The following CEP350 variants were observed in gnomAD, a reference collection of about 807,000 sequenced individuals.
CEP350 encodes centrosome-associated protein 350.
Under a neutral mutation model 331.8 loss-of-function variants are expected in CEP350, and 126 were observed. The ratio of observed to expected loss-of-function variants is 0.38; its 90% CI spans 0.33 to 0.44. CEP350 has a LOEUF of 0.44. CEP350 is among the 20% of genes least tolerant of loss of function. The pLI is 1.00. For synonymous variants in CEP350, 1,200 were observed against 1,259.5 expected, an observed-to-expected ratio of 0.95 and a Z score of 1.00; for missense variants, 3,406 against 3,634.6, an observed-to-expected ratio of 0.94 and a Z score of 1.62.
At chr1:179,991,724 T>TATATAC (rs1653110915) in intron 4 of CEP350, among the ~76,000 whole-genome samples, 2 of 147,604 alleles carry the variant, frequency 1.4e-5, no homozygotes, top group East Asian at 2.0e-4. Flanking sequence ...TATATATATA[T>TATATAC]ACATTTTTTT....
At chr1:179,981,609 T>C (rs1009169233) in intron 1 of CEP350, among the ~76,000 whole-genome samples, 1 of 152,216 alleles carries the variant, frequency 6.6e-6, no homozygotes. Context: ...GTTTAAAATA[T>C]TCACTTACAG....
rs1031803410 is a variant in CEP350 at position 180,048,642 on chromosome 1, G to A, written c.4729G>A (p.Val1577Ile). The change falls in exon 22 of 38, where the codon GTT becomes ATT. Residue 1577 changes from valine (V) to isoleucine (I), a missense_variant. By Grantham distance (29) the Val-to-Ile change is conservative. Coordinates refer to ENST00000367607, the MANE Select transcript of CEP350 (RefSeq NM_014810.5). ...GATAGAGAGTTCCATTGATGAACAGGTTCAGACTGCTGCAGATGATTCTCT... is the reference window on the plus strand; with the variant it reads ...GATAGAGAGTTCCATTGATGAACAGATTCAGACTGCTGCAGATGATTCTCT... ...EKIESSIDEQ[V>I]QTAADDSLRS... 2 of 1,612,336 alleles carry A rather than the reference G, an allele frequency of 1.2e-6. No homozygotes were observed. The highest frequency in any genetic ancestry group is 1.7e-6 in the Non-Finnish European group (2 of 1,178,554).
chr1:179,964,864 G>GT (rs974484551), intron 1 of CEP350, among the ~76,000 whole-genome samples: 3 of 148,912 alleles, frequency 2.0e-5, no homozygotes, highest in Admixed American at 6.7e-5. Flanking sequence ...TTTTTTTGTT[G>GT]TTGTTTGTTT....
intron 7 of CEP350, among the ~76,000 whole-genome samples, chr1:180,004,927 C>CTTTCTTTCTTTCTTTCTT (rs1553254002): frequency 1.7e-4 from 13 of 74,952 alleles, no homozygotes; most frequent in Non-Finnish European, 2.2e-4. Flanking sequence ...TTCTTTCTTT[C>CTTTCTTTCTTTCTTTCTT]TTTCTTTCTT....
chr1:180,012,839 C>T (rs1306764770), intron 9 of CEP350, among the ~76,000 whole-genome samples: 2 of 152,170 alleles, frequency 1.3e-5, no homozygotes, highest in Admixed American at 6.5e-5. Flanking sequence ...TGTGTATTCC[C>T]AGTCTAAAGC....
chr1:180,045,366 T>G (rs1426578052), intron 21 of CEP350, among the ~76,000 whole-genome samples: 1 of 152,018 alleles, frequency 6.6e-6, no homozygotes, highest in East Asian at 1.9e-4. Context: ...ATTGAATAGC[T>G]GTCATTGGTA....
chr1:180,088,398 T>C (rs754948440), intron 32 of CEP350, among the ~76,000 whole-genome samples: 1 of 140,496 alleles, frequency 7.1e-6, no homozygotes, highest in Non-Finnish European at 1.5e-5. Context: ...TTTCAGAAAA[T>C]GTTATTCATG....
chr1:180,080,835 C>G (rs1035818103), intron 30 of CEP350, among the ~76,000 whole-genome samples, 174 bp downstream of exon 30: 1 of 151,990 alleles, frequency 6.6e-6, no homozygotes, highest in Non-Finnish European at 1.5e-5. Context: ...TTGAATATAT[C>G]GAGTTAGGCA....
chr1:179,987,304 C>G lies in CEP350; in HGVS notation c.120+18C>G. The G allele has an allele frequency of 7.0e-7, 1 of 1,434,668 alleles. No homozygotes were observed. The highest frequency in any genetic ancestry group is 2.3e-5 in the East Asian group (1 of 42,908). The allele number at this position is 1,434,668 out of a possible 1,614,324, so 88.9% of individuals were successfully genotyped here. ...AGGCTGCTGTAAGTAGTTTTAGCTT[C>G]CATTTATTTATTTCTGGATTAAAAT... is the stretch of plus-strand genomic sequence containing the variant. On this transcript the variant is annotated intron_variant, in intron 3 of 37. Coordinates refer to ENST00000367607, the MANE Select transcript of CEP350 (RefSeq NM_014810.5).
intron 37 of CEP350, among the ~76,000 whole-genome samples, chr1:180,102,900 C>T (rs1660906276): frequency 6.6e-6 from 1 of 152,148 alleles, no homozygotes; most frequent in Non-Finnish European, 1.5e-5. Flanking sequence ...CAGGGTTCGT[C>T]GTCTCGAGCT....
At chr1:180,060,371 G>A (rs1658119424) in intron 25 of CEP350, among the ~76,000 whole-genome samples, 1 of 152,190 alleles carries the variant, frequency 6.6e-6, no homozygotes, top group Non-Finnish European at 1.5e-5. Flanking sequence ...CATATGGGGT[G>A]GGCACAGTGG....
At chr1:180,054,265 T>G in intron 24 of CEP350, 150 bp from the exon 25 acceptor site, 1 of 683,828 alleles carries the variant, frequency 1.5e-6, no homozygotes, top group Non-Finnish European at 2.5e-6. Context: ...ATTTGGATAT[T>G]AATGGTTACG....
chr1:180,013,043 A>G (rs1654756631), intron 9 of CEP350, among the ~76,000 whole-genome samples: 1 of 152,202 alleles, frequency 6.6e-6, no homozygotes, highest in Non-Finnish European at 1.5e-5. Flanking sequence ...CTGGCTCTGT[A>G]GAAGAAGCAT....
intron 36 of CEP350, among the ~76,000 whole-genome samples, chr1:180,097,596 A>G (rs1168841155): frequency 6.6e-6 from 1 of 152,222 alleles, no homozygotes; most frequent in Non-Finnish European, 1.5e-5. Flanking sequence ...TAAATTATTA[A>G]TAACATTAAG....
chr1:180,065,761 C>A (rs1035085645), intron 27 of CEP350, among the ~76,000 whole-genome samples: 6 of 151,438 alleles, frequency 4.0e-5, no homozygotes, highest in Non-Finnish European at 8.8e-5. Context: ...CTGTCCCCCC[C>A]CAAAAAAAAA....
Position 180,111,654 on chromosome 1 carries a change from T to C in CEP350, c.*493T>C, listed in dbSNP as rs576109154. The C allele has an allele frequency of 3.9e-5, 6 of 152,900 alleles. No homozygotes were observed. Among genetic ancestry groups the C allele is most frequent in the African/African-American group, 1.4e-4 (6 of 41,588 alleles). 9.5% of individuals were successfully genotyped at this position (152,900 alleles called of 1,614,324 possible). A position where few individuals can be genotyped will look rare whatever the true frequency, so the allele number is the denominator to read the frequency against. On this transcript the variant is annotated 3_prime_UTR_variant, in exon 38 of 38. Coordinates refer to ENST00000367607, the MANE Select transcript of CEP350 (RefSeq NM_014810.5). The stretch of plus-strand genomic sequence containing the variant: ...GGCAAGCTCAATAATGTCTGCCAAC[T>C]TCACATTCTGGAGTTTATTTCATTT...
At position 180,041,220 on chromosome 1, in the gene CEP350, T is replaced by C; in HGVS notation, c.4193T>C (p.Leu1398Ser). Reference sequence around the variant, plus strand: ...GAGGCTCTGGAGAGTCAGAGACAATTAGAAGAAACCCGAAACAAAGCAGCT... The same window carrying C: ...GAGGCTCTGGAGAGTCAGAGACAATCAGAAGAAACCCGAAACAAAGCAGCT... ...EQEALESQRQ[L>S]EETRNKAAQV... Residue 1398 changes from leucine (L) to serine (S), a missense_variant, in exon 18 of 38, where the codon TTA becomes TCA. This residue lies in a region of CEP350 where 1,857 missense variants were observed against 1,909.2 expected (regional missense o/e 0.97). Coordinates refer to ENST00000367607, the MANE Select transcript of CEP350 (RefSeq NM_014810.5). 1 of 1,594,296 alleles carries C rather than the reference T, an allele frequency of 6.3e-7. No homozygotes were observed. The highest frequency in any genetic ancestry group is 8.5e-7 in the Non-Finnish European group (1 of 1,170,352).
chr1:179,996,553 G>A lies in CEP350; in HGVS notation c.396G>A (p.Arg132=). 6.5e-7 allele frequency: 1 copy of A among 1,534,802 alleles called. No individual in the cohort carries two copies. Among genetic ancestry groups the A allele is most frequent in the Non-Finnish European group, 8.8e-7 (1 of 1,135,900 alleles). ...VEFREPLVSY[R]EIHGAPSNFS... is the part of the protein sequence containing the mutation. ...CAGAGCTTATTATTTTTTATTGTAG[G>A]GAAATCCATGGTGCACCTTCCAATT... The change falls in exon 6 of 38, where the codon AGG becomes AGA. Residue 132 remains arginine (R), a splice_region_variant and synonymous_variant. Coordinates refer to ENST00000367607, the MANE Select transcript of CEP350 (RefSeq NM_014810.5).
chr1:180,084,673 A>C (rs1167749252), intron 31 of CEP350, among the ~76,000 whole-genome samples: 4 of 152,122 alleles, frequency 2.6e-5, no homozygotes, highest in Admixed American at 1.3e-4. Context: ...CAAAACATTA[A>C]ATTTTAAATT....
Sources: allele counts gnomAD v4.1 joint callset (sites outside exome capture counted in the v4.1 genomes callset), GRCh38; gene constraint gnomAD v4.1.1; regional missense constraint gnomAD v4.1.1; transcripts MANE v1.5; gene names NCBI Gene and HGNC (gene_info 2026-07-23, HGNC 2026-07-21).